KCTD8: variants seen among roughly 807,000 people sequenced by gnomAD.
The protein encoded by KCTD8 is potassium channel tetramerization domain containing 8.
Under a neutral mutation model 31.5 loss-of-function variants are expected in KCTD8, and 27 were observed. The observed-to-expected ratio is 0.86, with a 90% CI of 0.63 to 1.18. The LOEUF (loss-of-function observed/expected upper bound fraction) is 1.18. KCTD8 is among the 50% of genes most tolerant of loss of function. The pLI is 0.00. For synonymous variants in KCTD8, 290 were observed against 280.0 expected (o/e 1.04, Z -0.36); for missense variants, 658 against 647.7 (o/e 1.02, Z -0.17).
At chr4:44,346,128 A>G (rs1424898297) in intron 1 of KCTD8, among the ~76,000 whole-genome samples, 1 of 152,192 alleles carries the variant, frequency 6.6e-6, no homozygotes. Flanking sequence ...TTAGAGATCA[A>G]TATGATCCCA....
chr4:44,279,846 G>A (rs1236379247), intron 1 of KCTD8, among the ~76,000 whole-genome samples: 1 of 152,032 alleles, frequency 6.6e-6, no homozygotes, highest in South Asian at 2.1e-4. Context: ...ATGTTGGCTT[G>A]TGTCTCATCT....
chr4:44,324,842 T>A (rs900319020), intron 1 of KCTD8, among the ~76,000 whole-genome samples: 1 of 152,044 alleles, frequency 6.6e-6, no homozygotes, highest in East Asian at 1.9e-4. Context: ...ATTACTTCTC[T>A]TTTTAAGAGG....
At chr4:44,313,396 G>A (rs1412895358) in intron 1 of KCTD8, among the ~76,000 whole-genome samples, 1 of 152,164 alleles carries the variant, frequency 6.6e-6, no homozygotes, top group East Asian at 1.9e-4. Context: ...CCCTAAAGTA[G>A]GTGAATCACT....
At chr4:44,315,773 G>T (rs1358587766) in intron 1 of KCTD8, among the ~76,000 whole-genome samples, 2 of 152,090 alleles carry the variant, frequency 1.3e-5, no homozygotes, top group African/African-American at 2.4e-5. Flanking sequence ...TCAGACTTAG[G>T]AAGTCATTGT....
chr4:44,245,882 A>G (rs1400164473), intron 1 of KCTD8, among the ~76,000 whole-genome samples: 1 of 152,098 alleles, frequency 6.6e-6, no homozygotes, highest in African/African-American at 2.4e-5. Flanking sequence ...GAGATTCAGA[A>G]CAAAATATAC....
At chr4:44,301,306 T>G (rs1268494079) in intron 1 of KCTD8, among the ~76,000 whole-genome samples, 2 of 152,168 alleles carry the variant, frequency 1.3e-5, no homozygotes, top group African/African-American at 4.8e-5. Flanking sequence ...ACTTCCACAA[T>G]GGTTGAACTA....
intron 1 of KCTD8, among the ~76,000 whole-genome samples, chr4:44,307,436 C>T (rs1717835549): frequency 6.6e-6 from 1 of 151,940 alleles, no homozygotes; most frequent in Non-Finnish European, 1.5e-5. Flanking sequence ...CGTACACTTG[C>T]TCATGCGTGA....
chr4:44,396,629 T>A (rs1004020178), intron 1 of KCTD8, among the ~76,000 whole-genome samples: 13 of 152,014 alleles, frequency 8.6e-5, no homozygotes, highest in African/African-American at 3.1e-4. Context: ...ATGAGCTGAT[T>A]AACATCTAAG....
At position 44,334,577 on chromosome 4, in the gene KCTD8, G is replaced by C. The variant is rs569628447; in HGVS notation, c.961+112986C>G. Among the ~76,000 whole-genome samples, 7 of 152,038 alleles carry C rather than the reference G, an allele frequency of 4.6e-5. No individual in the cohort carries two copies. The South Asian group carries it at 1.5e-3, about 32-fold the overall frequency. On this transcript the variant is annotated intron_variant, in intron 1 of 1. Coordinates refer to ENST00000360029, the MANE Select transcript of KCTD8 (RefSeq NM_198353.3). ...GATAGGGATTAAATTATAAATGTAT[G>C]AAAACATTTAAAAATAATATGCTGT...
In KCTD8 at chr4:44,174,778, A is replaced by G. The variant is rs562041919; in HGVS notation, c.*12T>C. ...TGAATGTCATCAAAATACTGCAGGA[A>G]TGTGACAATTACTATAACCCATACT... On this transcript the variant is annotated 3_prime_UTR_variant, in exon 2 of 2. Coordinates refer to ENST00000360029, the MANE Select transcript of KCTD8 (RefSeq NM_198353.3). 2 of 1,567,328 alleles carry G rather than the reference A, an allele frequency of 1.3e-6. No individual in the cohort carries two copies. Among genetic ancestry groups the G allele is most frequent in the Non-Finnish European group, 8.7e-7 (1 of 1,153,196 alleles).
intron 1 of KCTD8, among the ~76,000 whole-genome samples, chr4:44,194,863 CT>C (rs552742908): frequency 2.9e-4 from 36 of 124,290 alleles, no homozygotes; most frequent in Non-Finnish European, 3.8e-4. Context: ...CACTCTCTCT[CT>C]TTTTTTTTTG....
chr4:44,349,878 C>T (rs1719153794), intron 1 of KCTD8, among the ~76,000 whole-genome samples: 1 of 151,786 alleles, frequency 6.6e-6, no homozygotes, highest in South Asian at 2.1e-4. Context: ...CATCCAATAC[C>T]CACCAAAATC....
At chr4:44,396,223 AC>A (rs1233341593) in intron 1 of KCTD8, among the ~76,000 whole-genome samples, 2 of 152,062 alleles carry the variant, frequency 1.3e-5, no homozygotes, top group Non-Finnish European at 2.9e-5. Context: ...TAATGCAGCC[AC>A]TGATCTGACA....
chr4:44,199,994 TA>T (rs555529833), intron 1 of KCTD8, among the ~76,000 whole-genome samples: 1 of 150,632 alleles, frequency 6.6e-6, no homozygotes, highest in Admixed American at 6.6e-5. Context: ...TAGACAGAAA[TA>T]AAAAAAGATC....
At chr4:44,247,065 C>A (rs1715688215) in intron 1 of KCTD8, among the ~76,000 whole-genome samples, 1 of 152,000 alleles carries the variant, frequency 6.6e-6, no homozygotes. Flanking sequence ...AGACATCTTA[C>A]AGAAATTCCA....
At chr4:44,204,729 T>G (rs1240715269) in intron 1 of KCTD8, among the ~76,000 whole-genome samples, 2 of 152,152 alleles carry the variant, frequency 1.3e-5, no homozygotes, top group Non-Finnish European at 2.9e-5. Context: ...GCTAAAATTT[T>G]CTGCTGTTAT....
At chr4:44,414,169 A>T (rs1003738504) in intron 1 of KCTD8, among the ~76,000 whole-genome samples, 7 of 151,976 alleles carry the variant, frequency 4.6e-5, no homozygotes, top group African/African-American at 7.3e-5. Flanking sequence ...CAGCAATAAG[A>T]AACTAGTATA....
At chr4:44,201,099 C>A (rs763368150) in intron 1 of KCTD8, among the ~76,000 whole-genome samples, 3 of 151,688 alleles carry the variant, frequency 2.0e-5, no homozygotes, top group African/African-American at 7.3e-5. Flanking sequence ...TACAGCTAAC[C>A]AAGAAGGTGA....
At chr4:44,409,064 G>A (rs1272591134) in intron 1 of KCTD8, among the ~76,000 whole-genome samples, 20 of 151,788 alleles carry the variant, frequency 1.3e-4, no homozygotes, top group African/African-American at 4.8e-4. Flanking sequence ...TCAACATAGT[G>A]AGACCCCATC....
Sources: allele counts gnomAD v4.1 joint callset (sites outside exome capture counted in the v4.1 genomes callset), GRCh38; gene constraint gnomAD v4.1.1; transcripts MANE v1.5; gene names NCBI Gene and HGNC (gene_info 2026-07-23, HGNC 2026-07-21).